MAGI3: variants seen among roughly 807,000 people sequenced by gnomAD.
MAGI3 encodes membrane-associated guanylate kinase, WW and PDZ domain-containing protein 3.
In MAGI3, 43 loss-of-function variants were observed where a neutral mutation model predicts 121.8. The observed-to-expected ratio is 0.35, with a 90% CI of 0.28 to 0.46. The LOEUF is 0.46. Ranked by LOEUF, MAGI3 falls within the 20% of genes least tolerant of loss-of-function variation. The pLI is 1.00. For missense variants in MAGI3, 1,547 were observed against 1,797.3 expected, an observed-to-expected ratio of 0.86 and a Z score of 2.52; for synonymous variants, 553 against 639.3, an observed-to-expected ratio of 0.86 and a Z score of 2.04.
Position 113,404,679 on chromosome 1 carries a change from T to G in MAGI3, c.316+13330T>G, listed in dbSNP as rs560588134. On this transcript the variant is annotated intron_variant, in intron 1 of 20. Transcript: ENST00000307546. ...TGGGGGCGGGGAGGGAGAATCAAAG[T>G]TGGAGAGGTCATGAGAAACCATGTA... is the stretch of plus-strand genomic sequence containing the variant. Among the ~76,000 whole-genome samples the G allele has an allele frequency of 3.2e-4, 48 of 152,098 alleles. 3 individuals are homozygous for G. The South Asian group carries it at 9.8e-3, about 31-fold the overall frequency.
chr1:113,415,206 C>T (rs1455324916), intron 1 of MAGI3, among the ~76,000 whole-genome samples: 1 of 152,022 alleles, frequency 6.6e-6, no homozygotes, highest in Admixed American at 6.6e-5. Flanking sequence ...ATAAAGTAAG[C>T]AATTATAGTT....
chr1:113,624,442 T>C (rs1651091798), intron 9 of MAGI3, among the ~76,000 whole-genome samples: 1 of 152,246 alleles, frequency 6.6e-6, no homozygotes, highest in Non-Finnish European at 1.5e-5. Flanking sequence ...TTTTGATTTG[T>C]ATTTATCTGA....
intron 9 of MAGI3, among the ~76,000 whole-genome samples, chr1:113,638,524 A>G (rs1400426546): frequency 6.6e-6 from 1 of 152,266 alleles, no homozygotes; most frequent in Non-Finnish European, 1.5e-5. Context: ...GGGTACCAGC[A>G]GCGGTAGCTG....
chr1:113,613,518 G>A (rs1236297482), intron 6 of MAGI3, among the ~76,000 whole-genome samples: 1 of 152,102 alleles, frequency 6.6e-6, no homozygotes, highest in Non-Finnish European at 1.5e-5. Flanking sequence ...TTACAAAGTT[G>A]GTATGTCATA....
intron 4 of MAGI3, among the ~76,000 whole-genome samples, chr1:113,586,893 G>A (rs1648396351): frequency 6.6e-6 from 1 of 152,102 alleles, no homozygotes; most frequent in African/African-American, 2.4e-5. Context: ...GATGCTTCAT[G>A]TAAGTCACTT....
intron 9 of MAGI3, among the ~76,000 whole-genome samples, chr1:113,624,076 A>G (rs186130904): frequency 3.0e-4 from 46 of 152,278 alleles, no homozygotes; most frequent in Admixed American, 8.5e-4. Context: ...CATTGTGTAT[A>G]TGTACCATGT....
At chr1:113,437,881 C>T (rs1366458248) in intron 1 of MAGI3, among the ~76,000 whole-genome samples, 1 of 1,376 alleles carries the variant, frequency 7.3e-4, no homozygotes, top group Non-Finnish European at 2.0e-3. Context: ...TCTTCTTCTC[C>T]TTCTCCTTCT....
At chr1:113,603,759 A>G (rs1458649209) in intron 6 of MAGI3, among the ~76,000 whole-genome samples, 1 of 152,218 alleles carries the variant, frequency 6.6e-6, no homozygotes, top group East Asian at 1.9e-4. Flanking sequence ...TCCAGAATCT[A>G]CAAGGAACTC....
intron 1 of MAGI3, among the ~76,000 whole-genome samples, chr1:113,462,261 T>C (rs11102639): frequency 0.24 from 36,751 of 152,082 alleles, 5,106 homozygotes; most frequent in East Asian, 0.63. Flanking sequence ...CACATCCATG[T>C]GAATGTTTAT....
intron 1 of MAGI3, among the ~76,000 whole-genome samples, chr1:113,451,438 A>G (rs1218850503): frequency 2.6e-5 from 4 of 152,170 alleles, no homozygotes; most frequent in African/African-American, 7.2e-5. Flanking sequence ...TTAAAATTGT[A>G]CACAATATTA....
chr1:113,471,165 A>G (rs1428048119), intron 1 of MAGI3, among the ~76,000 whole-genome samples: 1 of 152,240 alleles, frequency 6.6e-6, no homozygotes, highest in Non-Finnish European at 1.5e-5. Context: ...AGCTGACAGC[A>G]GAAAATACAT....
At chr1:113,589,210 A>T (rs570897457) in intron 4 of MAGI3, among the ~76,000 whole-genome samples, 4 of 152,124 alleles carry the variant, frequency 2.6e-5, no homozygotes, top group African/African-American at 7.2e-5. Context: ...ATCAAATGAG[A>T]TGAGGGATAA....
intron 1 of MAGI3, among the ~76,000 whole-genome samples, chr1:113,539,477 T>G (rs1048198164): frequency 6.6e-6 from 1 of 152,022 alleles, no homozygotes; most frequent in African/African-American, 2.4e-5. Flanking sequence ...GATAATACCT[T>G]AAGTATTGTT....
At chr1:113,556,772 C>G (rs1246447678) in intron 2 of MAGI3, among the ~76,000 whole-genome samples, 6 of 151,974 alleles carry the variant, frequency 3.9e-5, no homozygotes, top group Admixed American at 2.0e-4. Flanking sequence ...TGCTATGTTG[C>G]CTAGGCTGGT....
intron 1 of MAGI3, among the ~76,000 whole-genome samples, chr1:113,405,290 C>T (rs890252391): frequency 4.6e-5 from 7 of 151,894 alleles, no homozygotes; most frequent in African/African-American, 1.5e-4. Flanking sequence ...GCCTGGGCTA[C>T]ATGGCGGAAC....
intron 1 of MAGI3, among the ~76,000 whole-genome samples, chr1:113,510,095 A>T (rs1001380568): frequency 6.6e-6 from 1 of 152,178 alleles, no homozygotes; most frequent in Admixed American, 6.5e-5. Context: ...AAGATTGTCA[A>T]TGTAGTGTTT....
At chr1:113,536,620 A>T (rs935871953) in intron 1 of MAGI3, among the ~76,000 whole-genome samples, 4 of 151,088 alleles carry the variant, frequency 2.6e-5, no homozygotes, top group Non-Finnish European at 5.9e-5. Flanking sequence ...TACTTTGCTT[A>T]CTTTTTTCTT....
At chr1:113,640,000 G>C (rs1777241) in intron 9 of MAGI3, among the ~76,000 whole-genome samples, 1 of 152,154 alleles carries the variant, frequency 6.6e-6, no homozygotes, top group Non-Finnish European at 1.5e-5. Context: ...CGCCCAGCCA[G>C]TGGCTTCTTA....
At chr1:113,416,398 TTAATTAATTAA>T (rs1353099532) in intron 1 of MAGI3, among the ~76,000 whole-genome samples, 1 of 102,194 alleles carries the variant, frequency 9.8e-6, no homozygotes, top group South Asian at 2.8e-4. Context: ...ATATTAATTA[TTAATTAATTAA>T]TAATTAATAA....
Sources: allele counts gnomAD v4.1 joint callset (sites outside exome capture counted in the v4.1 genomes callset), GRCh38; gene constraint gnomAD v4.1.1; transcripts MANE v1.5; gene names NCBI Gene and HGNC (gene_info 2026-07-23, HGNC 2026-07-21).